The following RBFOX2 variants were observed in gnomAD, a reference collection of about 807,000 sequenced individuals.
The protein encoded by RBFOX2 is RNA binding protein fox-1 homolog 2.
A neutral mutation model predicts 49.1 loss-of-function variants in RBFOX2; 10 were observed. The ratio of observed to expected loss-of-function variants is 0.20; its 90% CI spans 0.13 to 0.35. The LOEUF (loss-of-function observed/expected upper bound fraction) is 0.35, where lower values mean the gene tolerates loss of function less well. Ranked by LOEUF, RBFOX2 falls within the 10% of genes least tolerant of loss-of-function variation. The pLI, the probability that RBFOX2 is intolerant of heterozygous loss-of-function variation, is 1.00. For missense variants in RBFOX2, 323 were observed against 486.9 expected (o/e 0.66, Z 3.17); for synonymous variants, 183 against 187.4 (o/e 0.98, Z 0.19).
chr22:35,872,449 G>A (rs542574182), intron 1 of RBFOX2, among the ~76,000 whole-genome samples: 2 of 152,248 alleles, frequency 1.3e-5, no homozygotes, highest in East Asian at 1.9e-4. Context: ...TCTGTATCCC[G>A]GGTTCTTGCT....
At chr22:35,754,205 C>T (rs1043934843) in intron 9 of RBFOX2, among the ~76,000 whole-genome samples, 1 of 151,680 alleles carries the variant, frequency 6.6e-6, no homozygotes, top group African/African-American at 2.4e-5. Context: ...CATTCTCCTA[C>T]ATCAGCCTCC....
upstream of RBFOX2, among the ~76,000 whole-genome samples, chr22:35,840,801 T>C (rs1958638469): frequency 6.6e-6 from 1 of 152,222 alleles, no homozygotes; most frequent in South Asian, 2.1e-4. Flanking sequence ...GCCATGAATG[T>C]CAAATAAGAA....
chr22:35,977,755 TATATATACATGCACAC>T (rs2057259545), intron 1 of RBFOX2, among the ~76,000 whole-genome samples: 1 of 115,122 alleles, frequency 8.7e-6, no homozygotes, highest in Admixed American at 9.3e-5. Context: ...TATATATATA[TATATATACATGCACAC>T]ACACACATAT....
intron 1 of RBFOX2, among the ~76,000 whole-genome samples, chr22:35,956,825 ATTAC>A (rs1268322732): frequency 2.0e-5 from 3 of 152,218 alleles, no homozygotes; most frequent in African/African-American, 7.2e-5. Context: ...CTTTATTTGT[ATTAC>A]CCATTTTGCC....
intron 1 of RBFOX2, among the ~76,000 whole-genome samples, chr22:35,960,755 T>C (rs1337973630): frequency 6.6e-6 from 1 of 152,158 alleles, no homozygotes; most frequent in Non-Finnish European, 1.5e-5. Context: ...CGAAGAAACC[T>C]AGTGTCTTTC....
intron 1 of RBFOX2, among the ~76,000 whole-genome samples, chr22:35,827,892 C>T (rs947796243): frequency 9.2e-5 from 14 of 152,160 alleles, no homozygotes; most frequent in South Asian, 2.1e-4. Context: ...TAAGGCCAGG[C>T]GCAGTGGCTC....
At chr22:35,950,001 G>A (rs889636685) in intron 1 of RBFOX2, among the ~76,000 whole-genome samples, 1 of 151,934 alleles carries the variant, frequency 6.6e-6, no homozygotes, top group Non-Finnish European at 1.5e-5. Context: ...CCAAGGTCAC[G>A]AGGATTTACT....
At chr22:35,951,986 T>C (rs901477181) in intron 1 of RBFOX2, among the ~76,000 whole-genome samples, 2 of 152,292 alleles carry the variant, frequency 1.3e-5, no homozygotes, top group Non-Finnish European at 1.5e-5. Flanking sequence ...AAGGGTTCTA[T>C]CCCCAGAACT....
intron 1 of RBFOX2, among the ~76,000 whole-genome samples, chr22:35,899,860 T>A (rs2048355569): frequency 6.6e-6 from 1 of 152,304 alleles, no homozygotes; most frequent in Non-Finnish European, 1.5e-5. Flanking sequence ...GAGGAGAGAA[T>A]GTGTCCATTT....
chr22:35,888,513 C>T (rs1309069188), intron 1 of RBFOX2, among the ~76,000 whole-genome samples: 1 of 152,118 alleles, frequency 6.6e-6, no homozygotes, highest in Non-Finnish European at 1.5e-5. Flanking sequence ...ATACCTGAGG[C>T]TGTGTAATTG....
At chr22:35,741,166 A>G (rs1929766400) in exon 12 of RBFOX2, 1 of 152,258 alleles carries the variant, frequency 6.6e-6, no homozygotes, top group Admixed American at 6.5e-5. Flanking sequence ...GGAATTCTGG[A>G]AAATGCCTAT....
chr22:35,758,350 C>T (rs1005319379), intron 9 of RBFOX2, among the ~76,000 whole-genome samples: 2 of 152,162 alleles, frequency 1.3e-5, no homozygotes, highest in African/African-American at 4.8e-5. Context: ...AATTCAACCA[C>T]TTTATAAAGT....
intron 1 of RBFOX2, among the ~76,000 whole-genome samples, chr22:35,981,806 T>C (rs2057469698): frequency 6.6e-6 from 1 of 152,142 alleles, no homozygotes; most frequent in African/African-American, 2.4e-5. Flanking sequence ...AAATTAGTCA[T>C]TTTCCCCTTA....
chr22:35,918,499 T>C (rs967851357), intron 1 of RBFOX2, among the ~76,000 whole-genome samples: 1 of 152,170 alleles, frequency 6.6e-6, no homozygotes, highest in African/African-American at 2.4e-5. Flanking sequence ...TTCTGCTTAA[T>C]AGATCAGGAC....
chr22:35,977,761 T>TATATATATACAC (rs1259422253), intron 1 of RBFOX2, among the ~76,000 whole-genome samples: 7 of 90,936 alleles, frequency 7.7e-5, no homozygotes, highest in South Asian at 4.1e-4. Flanking sequence ...TATATATATA[T>TATATATATACAC]ACATGCACAC....
Position 35,749,251 on chromosome 22 carries a change from T to C in RBFOX2, c.888-2690A>G, listed in dbSNP as rs1203977869. On this transcript the variant is annotated intron_variant, in intron 9 of 11. Transcript: ENST00000405409. The surrounding 1 kb of genome is among the most constrained non-coding windows in gnomAD (Gnocchi z 4.1). ...AACAGAACAGGGTTGGCAAATACTT[T>C]ACTGAAAACAAAAGGCTCAAGAATA... Among the ~76,000 whole-genome samples, 2 of 152,184 alleles carry C rather than the reference T, an allele frequency of 1.3e-5. No homozygotes were observed. Among genetic ancestry groups the C allele is most frequent in the South Asian group, 2.1e-4 (1 of 4,830 alleles).
At chr22:35,901,414 G>A (rs891112946) in intron 1 of RBFOX2, among the ~76,000 whole-genome samples, 1 of 152,216 alleles carries the variant, frequency 6.6e-6, no homozygotes, top group Non-Finnish European at 1.5e-5. Context: ...TCAGGAGGCT[G>A]AGGCAGGAGG....
At chr22:35,748,621 C>T (rs1317577876) in intron 9 of RBFOX2, 3 of 152,184 alleles carry the variant, frequency 2.0e-5, no homozygotes, top group Non-Finnish European at 2.9e-5. Context: ...TGTAAAGTTA[C>T]AGCAGGGCTA....
At position 35,951,079 on chromosome 22, in the gene RBFOX2, A is replaced by G. The variant is rs1292879850; in HGVS notation, c.42+10484T>C. Among the ~76,000 whole-genome samples the G allele has an allele frequency of 6.9e-5, 10 of 144,266 alleles. No individual in the cohort carries two copies. The East Asian group carries it at 8.3e-4, about 12-fold the overall frequency. The allele number at this position is 144,266 out of a possible 152,430, so 94.6% of individuals were successfully genotyped here. A position where few individuals can be genotyped will look rare whatever the true frequency, so the allele number is the denominator to read the frequency against. On this transcript the variant is annotated intron_variant, in intron 1 of 5. Transcript: ENST00000408983. Reference sequence around the variant, plus strand: ...TGCCATTCTCCTGCCTCAGCCTCCCAGGTAGCTGGGATTACAGGCGCGTGC... The same window carrying G: ...TGCCATTCTCCTGCCTCAGCCTCCCGGGTAGCTGGGATTACAGGCGCGTGC...
Sources: gnomAD v4.1 joint callset for allele counts (sites outside exome capture counted in the v4.1 genomes callset) on GRCh38, gnomAD v4.1.1 for gene constraint, Gnocchi (gnomAD v3.1) non-coding constraint, MANE v1.5 for transcripts, NCBI Gene and HGNC (gene_info 2026-07-23, HGNC 2026-07-21) for gene names.